The following CLEC17A variants were observed in gnomAD, a reference collection of about 807,000 sequenced individuals.
CLEC17A encodes the protein C-type lectin domain containing 17A, also known as C-type lectin domain family 17, member A.
CLEC17A carries 37 observed loss-of-function variants against 61.3 expected under a neutral mutation model. The ratio of observed to expected loss-of-function variants is 0.60; its 90% CI spans 0.46 to 0.79. The LOEUF (loss-of-function observed/expected upper bound fraction) is 0.79. Ranked by LOEUF, CLEC17A falls within the 30% of genes least tolerant of loss-of-function variation. The pLI, the probability that CLEC17A is intolerant of heterozygous loss-of-function variation, is 0.00. For missense variants in CLEC17A, 418 were observed against 464.7 expected (o/e 0.90, Z 0.92); for synonymous variants, 168 against 164.9 (o/e 1.02, Z -0.14).
rs2074203227 is a variant in CLEC17A, at chr19:14,583,119, G to C, written c.-42G>C. On this transcript the variant is annotated 5_prime_UTR_variant, in exon 1 of 14. Transcript: ENST00000417570. ...GTCGGAGAGACAGGGGGCAGAGGTTGCCAAGCCCTGGCTGCCACTTGTCAG... is the reference window on the plus strand; with the variant it reads ...GTCGGAGAGACAGGGGGCAGAGGTTCCCAAGCCCTGGCTGCCACTTGTCAG... 6.2e-7 allele frequency: 1 copy of C among 1,612,892 alleles called. No individual in the cohort carries two copies. The highest frequency in any genetic ancestry group is 1.1e-5 in the South Asian group (1 of 90,956).
At chr19:14,582,215 AT>A (rs35401111), upstream of CLEC17A, among the ~76,000 whole-genome samples, 494 of 139,102 alleles carry the variant, frequency 3.6e-3, 3 homozygotes, top group South Asian at 9.6e-3. Context: ...TTGTAATGCC[AT>A]TTTTTTTTTT....
intron 8 of CLEC17A, 45 bp downstream of exon 8, chr19:14,595,360 G>A (rs1295654019): frequency 1.9e-6 from 3 of 1,605,160 alleles, no homozygotes; most frequent in Admixed American, 1.7e-5. Flanking sequence ...TAGTGTATCT[G>A]ATTGAGACCT....
At chr19:14,605,298 G>A (rs2074831456) in intron 12 of CLEC17A, among the ~76,000 whole-genome samples, 1 of 151,836 alleles carries the variant, frequency 6.6e-6, no homozygotes, top group East Asian at 1.9e-4. Flanking sequence ...GTTTTGCCAC[G>A]TTGGCCAAGC....
Position 14,607,002 on chromosome 19 carries a change from G to T in CLEC17A, c.904G>T (p.Ala302Ser). ...GAATTTTTATTTGCAGAATTTTGTG[G>T]CCAAGGCCCATGGCTCTCCACGGGT... ...INSFAEHNFV[A>S]KAHGSPRVYW... The change falls in exon 13 of 14, where the codon GCC becomes TCC. Residue 302 changes from alanine to serine, a missense_variant. Coordinates refer to ENST00000417570, the MANE Select transcript of CLEC17A (RefSeq NM_001204118.2). 2 of 1,285,030 alleles carry T rather than the reference G, an allele frequency of 1.6e-6. No individual in the cohort carries two copies. Among genetic ancestry groups the T allele is most frequent in the Non-Finnish European group, 2.0e-6 (2 of 1,012,228 alleles). The allele number at this position is 1,285,030 out of a possible 1,614,324, so 79.6% of individuals were successfully genotyped here. A position where few individuals can be genotyped will look rare whatever the true frequency, so the allele number is the denominator to read the frequency against.
intron 4 of CLEC17A, among the ~76,000 whole-genome samples, chr19:14,593,333 CAA>C (rs57379897): frequency 3.1e-3 from 262 of 85,778 alleles, no homozygotes; most frequent in Middle Eastern, 6.0e-3. Flanking sequence ...CCATCTCTAC[CAA>C]AAAAAAAAAA....
intron 13 of CLEC17A, among the ~76,000 whole-genome samples, chr19:14,608,458 A>C (rs1482874552): frequency 6.6e-6 from 1 of 152,036 alleles, no homozygotes; most frequent in Admixed American, 6.6e-5. Context: ...AGGCTTGGCC[A>C]GACAGGGACA....
intron 3 of CLEC17A, among the ~76,000 whole-genome samples, chr19:14,591,045 C>T (rs71334729): frequency 6.6e-6 from 1 of 151,964 alleles, no homozygotes. Context: ...GTCTAGATTG[C>T]AGGAAGAAGT....
chr19:14,598,304 T>TTCTCTCTCTC (rs111468753), intron 10 of CLEC17A, among the ~76,000 whole-genome samples: 4 of 149,114 alleles, frequency 2.7e-5, no homozygotes, highest in Non-Finnish European at 4.5e-5. Context: ...TGTTCTTTCT[T>TTCTCTCTCTC]TCTCTCTCTC....
chr19:14,585,312 G>A (rs1401947809), intron 2 of CLEC17A, among the ~76,000 whole-genome samples: 4 of 152,396 alleles, frequency 2.6e-5, no homozygotes, highest in Non-Finnish European at 4.4e-5. Context: ...TGGGGTTACA[G>A]GCATGAGTCA....
intron 7 of CLEC17A, among the ~76,000 whole-genome samples, chr19:14,595,035 C>A (rs2074510065): frequency 6.6e-6 from 1 of 152,148 alleles, no homozygotes. Context: ...CCACACCTGG[C>A]TAAGTTTTGT....
intron 9 of CLEC17A, 32 bp from the exon 10 acceptor site, chr19:14,597,067 G>C (rs2074569593): frequency 6.2e-7 from 1 of 1,611,822 alleles, no homozygotes; most frequent in African/African-American, 1.3e-5. Flanking sequence ...TGCACAGGAG[G>C]ACCTGGGCTC....
rs542137627 is a variant in CLEC17A, at chr19:14,609,779, A to G, written c.1005-285A>G. On this transcript the variant is annotated intron_variant, in intron 13 of 13. Transcript: ENST00000417570. ...CTTGAACCCAGGAGACAGAGGTTGCAGTGAGCCGAGATCACGCCACTGCAC... is the reference window on the plus strand; with the variant it reads ...CTTGAACCCAGGAGACAGAGGTTGCGGTGAGCCGAGATCACGCCACTGCAC... Among the ~76,000 whole-genome samples the G allele has an allele frequency of 5.3e-5, 8 of 152,026 alleles. No homozygotes were observed. In the South Asian group the frequency reaches 1.7e-3, roughly 32 times the overall value.
intron 12 of CLEC17A, among the ~76,000 whole-genome samples, chr19:14,602,328 C>T (rs1193743892): frequency 6.6e-6 from 1 of 152,100 alleles, no homozygotes; most frequent in African/African-American, 2.4e-5. Flanking sequence ...CTCACTTTGT[C>T]ACCCAGGCTG....
intron 3 of CLEC17A, among the ~76,000 whole-genome samples, chr19:14,590,760 C>T (rs1271574499): frequency 2.0e-5 from 3 of 151,934 alleles, no homozygotes; most frequent in Non-Finnish European, 4.4e-5. Context: ...AATCATGGCT[C>T]ACTGCTGTGT....
chr19:14,586,596 T>TA (rs1178272596), intron 2 of CLEC17A, among the ~76,000 whole-genome samples: 5 of 134,510 alleles, frequency 3.7e-5, no homozygotes, highest in South Asian at 2.2e-4. Context: ...TGGTTTTTTC[T>TA]AAATTTTTTT....
At chr19:14,603,220 A>G (rs913040001) in intron 12 of CLEC17A, among the ~76,000 whole-genome samples, 2 of 152,098 alleles carry the variant, frequency 1.3e-5, no homozygotes, top group Non-Finnish European at 2.9e-5. Flanking sequence ...GGGTTCTCCC[A>G]TTTTACTTCT....
chr19:14,601,144 C>T (rs1370867030), intron 12 of CLEC17A, among the ~76,000 whole-genome samples: 1 of 151,876 alleles, frequency 6.6e-6, no homozygotes, highest in East Asian at 1.9e-4. Context: ...TTCAGGTGAT[C>T]CTCCCACCTC....
intron 8 of CLEC17A, among the ~76,000 whole-genome samples, chr19:14,596,131 C>T (rs933428089): frequency 1.5e-5 from 2 of 130,222 alleles, no homozygotes; most frequent in African/African-American, 5.7e-5. Context: ...ATGTTCTCTG[C>T]TCTAGAAGCC....
chr19:14,602,394 A>T (rs1568459916), intron 12 of CLEC17A, among the ~76,000 whole-genome samples: 2 of 152,054 alleles, frequency 1.3e-5, no homozygotes, highest in Non-Finnish European at 2.9e-5. Context: ...GGCTCAAGTG[A>T]TTATCCCACC....
Sources: allele counts gnomAD v4.1 joint callset (sites outside exome capture counted in the v4.1 genomes callset), GRCh38; gene constraint gnomAD v4.1.1; transcripts MANE v1.5; gene names NCBI Gene and HGNC (gene_info 2026-07-23, HGNC 2026-07-21).